DMRT1: variants seen among roughly 807,000 people sequenced by gnomAD.
DMRT1 encodes doublesex- and mab-3-related transcription factor 1.
DMRT1 carries 7 observed loss-of-function variants against 32.3 expected under a neutral mutation model. The ratio of observed to expected loss-of-function variants is 0.22; its 90% CI spans 0.12 to 0.41. The LOEUF (loss-of-function observed/expected upper bound fraction) is 0.41, where lower values mean the gene tolerates loss of function less well. Ranked by LOEUF, DMRT1 falls within the 10% of genes least tolerant of loss-of-function variation. The pLI, the probability that DMRT1 is intolerant of heterozygous loss-of-function variation, is 1.00. For synonymous variants in DMRT1, 278 were observed against 206.1 expected, an observed-to-expected ratio of 1.35 and a Z score of -2.99; for missense variants, 625 against 500.5, an observed-to-expected ratio of 1.25 and a Z score of -2.37.
intron 2 of DMRT1, among the ~76,000 whole-genome samples, chr9:871,119 C>T (rs868692741): frequency 3.3e-5 from 5 of 151,786 alleles, no homozygotes; most frequent in Non-Finnish European, 7.4e-5. Flanking sequence ...ACATTGCAAC[C>T]TTCGCCTTCT....
At position 862,031 on chromosome 9, in the gene DMRT1, C is replaced by T. The variant is rs1454433759; in HGVS notation, c.538+14888C>T. On this transcript the variant is annotated intron_variant, in intron 2 of 4. Coordinates refer to ENST00000382276, the MANE Select transcript of DMRT1 (RefSeq NM_021951.3). ...TCACTTCCCAGACTGGGCGGCCGGG[C>T]GGAGGGGCTCCTCACATCCCAGACG... Among the ~76,000 whole-genome samples the T allele has an allele frequency of 3.3e-5, 5 of 151,426 alleles. No individual in the cohort carries two copies. In the East Asian group the frequency reaches 7.8e-4, roughly 24 times the overall value.
chr9:870,179 CCT>C (rs1816176442), intron 2 of DMRT1, among the ~76,000 whole-genome samples: 1 of 152,174 alleles, frequency 6.6e-6, no homozygotes, highest in Non-Finnish European at 1.5e-5. Flanking sequence ...AGGTGGATCA[CCT>C]GAGGTCAGGA....
chr9:911,148 G>C (rs1164833076), intron 3 of DMRT1, among the ~76,000 whole-genome samples: 1 of 152,098 alleles, frequency 6.6e-6, no homozygotes, highest in East Asian at 1.9e-4. Context: ...TCTGTGTCCT[G>C]TGGGAATTGT....
intron 2 of DMRT1, among the ~76,000 whole-genome samples, chr9:857,813 T>C (rs912672646): frequency 7.5e-5 from 10 of 132,952 alleles, no homozygotes; most frequent in Non-Finnish European, 1.6e-4. Context: ...TGTGTGATGT[T>C]CCCCTTCCTG....
chr9:954,316 C>T (rs1484619380), intron 4 of DMRT1, among the ~76,000 whole-genome samples: 3 of 151,882 alleles, frequency 2.0e-5, no homozygotes, highest in African/African-American at 7.3e-5. Flanking sequence ...AGAGAAGGGA[C>T]CGGATAGGGC....
intron 2 of DMRT1, among the ~76,000 whole-genome samples, chr9:887,151 A>T (rs1428665863): frequency 6.6e-6 from 1 of 152,180 alleles, no homozygotes; most frequent in African/African-American, 2.4e-5. Context: ...AGATCAGGAG[A>T]TCACGCCACT....
At chr9:865,341 G>A (rs1351294172) in intron 2 of DMRT1, among the ~76,000 whole-genome samples, 2 of 150,404 alleles carry the variant, frequency 1.3e-5, no homozygotes, top group African/African-American at 5.0e-5. Flanking sequence ...AACTTTGTCT[G>A]TTTGTTCATT....
At chr9:957,830 C>T (rs942236407) in intron 4 of DMRT1, among the ~76,000 whole-genome samples, 4 of 151,846 alleles carry the variant, frequency 2.6e-5, no homozygotes, top group Middle Eastern at 3.4e-3. Flanking sequence ...ACCAACATGG[C>T]GAAACACTGG....
chr9:935,314 G>A (rs928422856), intron 4 of DMRT1, among the ~76,000 whole-genome samples: 2 of 152,182 alleles, frequency 1.3e-5, no homozygotes, highest in African/African-American at 4.8e-5. Flanking sequence ...TGGCAAACGA[G>A]GGGGGCAGAT....
chr9:924,173 G>A (rs1818448326), intron 4 of DMRT1, among the ~76,000 whole-genome samples: 1 of 150,670 alleles, frequency 6.6e-6, no homozygotes, highest in Non-Finnish European at 1.5e-5. Context: ...CCAGGTTCAA[G>A]CAATTCTCCT....
chr9:859,666 T>C (rs1815567493), intron 2 of DMRT1, among the ~76,000 whole-genome samples: 1 of 152,242 alleles, frequency 6.6e-6, no homozygotes, highest in African/African-American at 2.4e-5. Flanking sequence ...AAACCAAGTT[T>C]ATGCCAGTCT....
At chr9:913,148 T>G (rs1450014241) in intron 3 of DMRT1, among the ~76,000 whole-genome samples, 1 of 152,218 alleles carries the variant, frequency 6.6e-6, no homozygotes, top group Non-Finnish European at 1.5e-5. Flanking sequence ...AAAAAAAACA[T>G]CCAGCATTTT....
chr9:943,829 C>T (rs1220179918), intron 4 of DMRT1, among the ~76,000 whole-genome samples: 1 of 152,160 alleles, frequency 6.6e-6, no homozygotes, highest in Non-Finnish European at 1.5e-5. Context: ...TTATTTTTAT[C>T]TTTCTTAATC....
At chr9:904,467 T>C (rs1275535369) in intron 3 of DMRT1, among the ~76,000 whole-genome samples, 3 of 152,140 alleles carry the variant, frequency 2.0e-5, no homozygotes, top group African/African-American at 4.8e-5. Context: ...AATACCATAA[T>C]AGAAATAGGA....
chr9:849,737 C>T (rs1465956451), intron 2 of DMRT1, among the ~76,000 whole-genome samples: 3 of 152,154 alleles, frequency 2.0e-5, no homozygotes, highest in Admixed American at 2.0e-4. Context: ...TGGAAGCCTA[C>T]AGCGTGCTGT....
chr9:938,576 C>A (rs1425648785), intron 4 of DMRT1, among the ~76,000 whole-genome samples: 1 of 152,160 alleles, frequency 6.6e-6, no homozygotes, highest in African/African-American at 2.4e-5. Flanking sequence ...TATAGAAATA[C>A]AACTGATTTT....
At chr9:945,895 G>A in intron 4 of DMRT1, among the ~76,000 whole-genome samples, 1 of 152,054 alleles carries the variant, frequency 6.6e-6, no homozygotes. Context: ...GCAGATATGT[G>A]TTTCTGTAGA....
intron 4 of DMRT1, among the ~76,000 whole-genome samples, chr9:947,484 T>C (rs75319486): frequency 0.025 from 3,866 of 152,298 alleles, 89 homozygotes; most frequent in South Asian, 0.13. Context: ...CTCTCTTGTT[T>C]TGTACTCCAT....
intron 2 of DMRT1, among the ~76,000 whole-genome samples, chr9:861,921 C>A (rs185043697): frequency 7.4e-6 from 1 of 135,562 alleles, no homozygotes; most frequent in African/African-American, 2.8e-5. Context: ...GGGGCAGAGG[C>A]GCTCCCAACA....
Sources: allele counts gnomAD v4.1 joint callset (sites outside exome capture counted in the v4.1 genomes callset), GRCh38; gene constraint gnomAD v4.1.1; transcripts MANE v1.5; gene names NCBI Gene and HGNC (gene_info 2026-07-23, HGNC 2026-07-21).